The following RPH3AL variants were observed in gnomAD, a reference collection of about 807,000 sequenced individuals.
RPH3AL encodes the protein rab effector Noc2.
A neutral mutation model predicts 43.1 loss-of-function variants in RPH3AL; 38 were observed. That is an observed-to-expected ratio of 0.88 (90% CI 0.68 to 1.15). RPH3AL has a LOEUF of 1.15. RPH3AL is among the 50% of genes most tolerant of loss of function. The probability of loss-of-function intolerance (pLI) is 0.00; values close to 1 mark genes in which losing one functional copy is unlikely to be tolerated. For synonymous variants in RPH3AL, 189 were observed against 176.3 expected (o/e 1.07, Z -0.57); for missense variants, 462 against 423.2 (o/e 1.09, Z -0.81).
Position 235,571 on chromosome 17 carries a change from G to GCGGAGGC in RPH3AL, c.613+11539_613+11540insGCCTCCG, listed in dbSNP as rs1310524961. On this transcript the variant is annotated intron_variant, in intron 7 of 9. Coordinates refer to ENST00000331302, the MANE Select transcript of RPH3AL (RefSeq NM_006987.4). Reference sequence around the variant, plus strand: ...GGTCCCGGGTTCAAAGCTGGGGTCGGTGGAGGCTCCACACTAACAAGACGG... The same window carrying GCGGAGGC: ...GGTCCCGGGTTCAAAGCTGGGGTCGGCGGAGGCTGGAGGCTCCACACTAACAAGACGG... 1.4e-4 allele frequency among the ~76,000 whole-genome samples: 20 copies of GCGGAGGC among 145,554 alleles called. 2 individuals carry two copies. Among genetic ancestry groups the GCGGAGGC allele is most frequent in the Non-Finnish European group, 1.8e-4 (12 of 65,208 alleles).
chr17:262,250 GCT>G (rs1400819134), intron 6 of RPH3AL, among the ~76,000 whole-genome samples: 2 of 151,860 alleles, frequency 1.3e-5, no homozygotes, highest in Non-Finnish European at 2.9e-5. Context: ...ATGGTGTCTC[GCT>G]CTGTCACCCA....
Position 281,755 on chromosome 17 carries a change from C to T in RPH3AL, c.438+13G>A, listed in dbSNP as rs199827427. On this transcript the variant is annotated intron_variant, in intron 6 of 9. Coordinates refer to ENST00000331302, the MANE Select transcript of RPH3AL (RefSeq NM_006987.4). ...CCACTCAGCCCTCCCCACCGTCACC[C>T]TGGACGCCCTACCTCTCTTTGCTCA... 6.2e-7 allele frequency: 1 copy of T among 1,611,788 alleles called. No homozygotes were observed. Among genetic ancestry groups the T allele is most frequent in the African/African-American group, 1.3e-5 (1 of 74,962 alleles).
chr17:332,336 G>C, intron 2 of RPH3AL: 1 of 185,442 alleles, frequency 5.4e-6, no homozygotes, highest in East Asian at 1.4e-4. Flanking sequence ...CATAGGTCAA[G>C]GCTGCTGATG....
At chr17:341,552 A>G (rs1053337435) in intron 1 of RPH3AL, 1 of 152,214 alleles carries the variant, frequency 6.6e-6, no homozygotes, top group Non-Finnish European at 1.5e-5. Flanking sequence ...AAATTCGTAT[A>G]AGGAATGTCA....
At chr17:224,221 AAGCACAGATCCC>A (rs1206804626) in intron 7 of RPH3AL, among the ~76,000 whole-genome samples, 2 of 143,392 alleles carry the variant, frequency 1.4e-5, no homozygotes, top group African/African-American at 4.9e-5. Flanking sequence ...GCTCCAGCAA[AAGCACAGATCCC>A]AGCTTCACCC....
chr17:260,924 G>A lies in RPH3AL; in HGVS notation c.439-13639C>T, dbSNP rs567687542. 2.0e-5 allele frequency among the ~76,000 whole-genome samples: 3 copies of A among 152,266 alleles called. No individual in the cohort carries two copies. The South Asian group carries it at 6.2e-4, about 32-fold the overall frequency. ...CCTTCCCTGGACTAGCTCGTCTCCA[G>A]CCTTTGGGAAATCACTTTTATCCAG... On this transcript the variant is annotated intron_variant, in intron 6 of 9. Coordinates refer to ENST00000331302, the MANE Select transcript of RPH3AL (RefSeq NM_006987.4).
chr17:278,196 G>A (rs2042700142), intron 6 of RPH3AL, among the ~76,000 whole-genome samples: 1 of 152,118 alleles, frequency 6.6e-6, no homozygotes, highest in South Asian at 2.1e-4. Flanking sequence ...TAGTGAATGA[G>A]TCTCACGAGA....
chr17:272,503 G>A (rs545045257), intron 6 of RPH3AL, among the ~76,000 whole-genome samples: 14 of 149,690 alleles, frequency 9.4e-5, no homozygotes, highest in Admixed American at 7.4e-4. Context: ...ACTATCGCAA[G>A]GACAGAAAAC....
rs2044514744 is a variant in RPH3AL at position 322,735 on chromosome 17, G to A, written c.78-1320C>T. On this transcript the variant is annotated intron_variant, in intron 3 of 9. Transcript: ENST00000331302. The surrounding 1 kb of genome is among the most constrained non-coding windows in gnomAD (Gnocchi z 4.0). ...GCCCCCTGACACAAGATGGGCCCCGGTGGTCTCATGTCCTGCCTGGTCCCG... is the reference window on the plus strand; with the variant it reads ...GCCCCCTGACACAAGATGGGCCCCGATGGTCTCATGTCCTGCCTGGTCCCG... 6.6e-6 allele frequency among the ~76,000 whole-genome samples: 1 copy of A among 152,074 alleles called. No individual in the cohort carries two copies.
chr17:245,600 T>A lies in RPH3AL; in HGVS notation c.613+1511A>T, dbSNP rs534060755. On this transcript the variant is annotated intron_variant, in intron 7 of 9. Transcript: ENST00000331302. The surrounding 1 kb of genome is among the most constrained non-coding windows in gnomAD (Gnocchi z 5.9). ...CGGCTCAACTGGCTCCAAGCAGCATTTTAAACCCACAGGTGTCCACCAGCT... is the reference window on the plus strand; with the variant it reads ...CGGCTCAACTGGCTCCAAGCAGCATATTAAACCCACAGGTGTCCACCAGCT... 6.6e-6 allele frequency among the ~76,000 whole-genome samples: 1 copy of A among 152,206 alleles called. No homozygotes were observed. Among genetic ancestry groups the A allele is most frequent in the East Asian group, 1.9e-4 (1 of 5,176 alleles).
intron 6 of RPH3AL, among the ~76,000 whole-genome samples, chr17:279,274 C>T (rs1036794435): frequency 2.0e-5 from 3 of 152,206 alleles, no homozygotes; most frequent in Non-Finnish European, 4.4e-5. Context: ...CTGGTACCCA[C>T]AGGTACCCAG....
intron 5 of RPH3AL, among the ~76,000 whole-genome samples, chr17:313,975 G>C (rs1276304019): frequency 6.6e-6 from 1 of 152,134 alleles, no homozygotes; most frequent in Non-Finnish European, 1.5e-5. Context: ...CCAGGACTGA[G>C]ACCTCAGTCT....
In RPH3AL at chr17:319,400, G is replaced by A. The variant is rs779060099; in HGVS notation, c.351+20C>T. The A allele has an allele frequency of 3.7e-6, 6 of 1,608,520 alleles. No individual in the cohort carries two copies. In the South Asian group the frequency reaches 6.6e-5, roughly 18 times the overall value. ...TCCAGGCTGGGAAGCCAGAATGACA[G>A]GGCCAGAGCAGGGTCTTACCTTCCT... On this transcript the variant is annotated intron_variant, in intron 5 of 9. Transcript: ENST00000331302.
chr17:316,555 A>G (rs199747840), intron 5 of RPH3AL, among the ~76,000 whole-genome samples: 33,334 of 68,064 alleles, frequency 0.49, 5,970 homozygotes, highest in African/African-American at 0.65. Flanking sequence ...CTCCACTGAC[A>G]TGTAGTCCCT....
chr17:335,516 A>G (rs1315925268), intron 1 of RPH3AL, among the ~76,000 whole-genome samples: 1 of 152,068 alleles, frequency 6.6e-6, no homozygotes, highest in African/African-American at 2.4e-5. Flanking sequence ...TAGACTGAGG[A>G]GGGGTAATAA....
At chr17:222,311 G>C (rs1372992316) in intron 7 of RPH3AL, among the ~76,000 whole-genome samples, 1 of 152,266 alleles carries the variant, frequency 6.6e-6, no homozygotes, top group Admixed American at 6.5e-5. Flanking sequence ...ATCCTGGCAG[G>C]CTGGCTCCGT....
intron 6 of RPH3AL, among the ~76,000 whole-genome samples, chr17:270,339 G>A (rs924627042): frequency 2.6e-5 from 4 of 152,230 alleles, no homozygotes; most frequent in Admixed American, 6.5e-5. Flanking sequence ...AGCACAGGCC[G>A]CCTGCCCGGG....
At position 274,186 on chromosome 17, in the gene RPH3AL, A is replaced by G. The variant is rs1451877392; in HGVS notation, c.438+7582T>C. 2.0e-5 allele frequency among the ~76,000 whole-genome samples: 3 copies of G among 152,346 alleles called. No individual in the cohort carries two copies. The highest frequency in any genetic ancestry group is 3.9e-4 in the East Asian group (2 of 5,186). Reference sequence around the variant, plus strand: ...GCCAGGGCCGTTCCTCCCAGCCCCAACTAACGCACCCATGAAAGCACGTGG... The same window carrying G: ...GCCAGGGCCGTTCCTCCCAGCCCCAGCTAACGCACCCATGAAAGCACGTGG... On this transcript the variant is annotated intron_variant, in intron 6 of 9. Coordinates refer to ENST00000331302, the MANE Select transcript of RPH3AL (RefSeq NM_006987.4). This position sits in a 1 kb window ranked among gnomAD's most constrained non-coding sequence, Gnocchi z 4.7.
intron 1 of RPH3AL, among the ~76,000 whole-genome samples, chr17:340,446 A>G (rs370234753): frequency 0.29 from 1,787 of 6,118 alleles, 583 homozygotes; most frequent in Admixed American, 0.39. Flanking sequence ...ACTGCCCCCC[A>G]CCCAGGCCTC....
Sources: gnomAD v4.1 joint callset for allele counts (sites outside exome capture counted in the v4.1 genomes callset) on GRCh38, gnomAD v4.1.1 for gene constraint, Gnocchi (gnomAD v3.1) non-coding constraint, MANE v1.5 for transcripts, NCBI Gene and HGNC (gene_info 2026-07-23, HGNC 2026-07-21) for gene names.